The following KLRG1 variants were observed in gnomAD, a reference collection of about 807,000 sequenced individuals.
KLRG1 encodes the protein killer cell lectin like receptor G1, also known as killer cell lectin-like receptor subfamily G member 1.
A neutral mutation model predicts 21.8 loss-of-function variants in KLRG1; 16 were observed. That is an observed-to-expected ratio of 0.73 (90% CI 0.50 to 1.11). The LOEUF is 1.11. Ranked by LOEUF, KLRG1 falls within the 50% of genes most tolerant of loss-of-function variation. The probability of loss-of-function intolerance (pLI) is 0.00; values close to 1 mark genes in which losing one functional copy is unlikely to be tolerated. For missense variants in KLRG1, 173 were observed against 218.3 expected (o/e 0.79, Z 1.31); for synonymous variants, 69 against 75.9 (o/e 0.91, Z 0.47).
the KLRG1 span, among the ~76,000 whole-genome samples, chr12:9,083,777 C>G: frequency 2.7e-5 from 4 of 148,760 alleles, no homozygotes; most frequent in Non-Finnish European, 5.9e-5. Context: ...GCAGTAAGGG[C>G]TGAAAACTTC....
the KLRG1 span, among the ~76,000 whole-genome samples, chr12:9,105,635 A>G: frequency 6.6e-6 from 1 of 152,156 alleles, no homozygotes; most frequent in African/African-American, 2.4e-5. Context: ...GTAAGAGAAG[A>G]TTTTTTTGGT....
At chr12:9,185,968 T>C in the KLRG1 span, among the ~76,000 whole-genome samples, 9 of 151,896 alleles carry the variant, frequency 5.9e-5, no homozygotes, top group East Asian at 1.9e-4. Flanking sequence ...CCATCACACC[T>C]GGCTAATTTT....
chr12:9,175,668 A>G, the KLRG1 span, among the ~76,000 whole-genome samples: 1 of 152,226 alleles, frequency 6.6e-6, no homozygotes, highest in South Asian at 2.1e-4. Flanking sequence ...ACAATTCTCA[A>G]AAGAAAACAT....
At chr12:9,089,325 AGATATTTGGATAGT>A in the KLRG1 span, 1 of 1,051,512 alleles carries the variant, frequency 9.5e-7, no homozygotes, top group Admixed American at 2.0e-5. Flanking sequence ...GAGGGACCAC[AGATATTTGGATAGT>A]GAAGAGAAGG....
At chr12:9,165,228 C>T in the KLRG1 span, 3 of 1,614,042 alleles carry the variant, frequency 1.9e-6, no homozygotes, top group Non-Finnish European at 1.7e-6. Context: ...GTGAGCTCCA[C>T]AAAGAAGGGC....
the KLRG1 span, chr12:9,112,271 G>C: frequency 3.7e-5 from 59 of 1,608,712 alleles, no homozygotes; most frequent in African/African-American, 7.5e-4. Context: ...AGGCTGGTAA[G>C]ACAAGCTATT....
At chr12:9,214,677 A>G in the KLRG1 span, among the ~76,000 whole-genome samples, 2 of 152,006 alleles carry the variant, frequency 1.3e-5, no homozygotes, top group Non-Finnish European at 2.9e-5. Flanking sequence ...CTTTTGTTGC[A>G]ATGCGTCCGT....
chr12:9,136,493 A>T, the KLRG1 span, among the ~76,000 whole-genome samples: 3 of 152,162 alleles, frequency 2.0e-5, no homozygotes, highest in Non-Finnish European at 4.4e-5. Context: ...CTTGGCATTT[A>T]AAAAAGGCAA....
At chr12:9,101,708 T>C in the KLRG1 span, 1 of 1,469,388 alleles carries the variant, frequency 6.8e-7, no homozygotes, top group Non-Finnish European at 9.3e-7. Flanking sequence ...TATTTTTAGA[T>C]TATACGTCAT....
the KLRG1 span, among the ~76,000 whole-genome samples, chr12:9,061,915 C>T: frequency 3.3e-5 from 5 of 151,966 alleles, no homozygotes; most frequent in African/African-American, 1.2e-4. Context: ...CGGAAACCAA[C>T]CCCCCAAAAT....
downstream of KLRG1, among the ~76,000 whole-genome samples, chr12:9,014,498 T>C (rs1947673325): frequency 6.6e-6 from 1 of 152,104 alleles, no homozygotes; most frequent in Non-Finnish European, 1.5e-5. Flanking sequence ...CCTAGAGTAA[T>C]GTATCCAGTG....
chr12:9,197,186 T>TC, the KLRG1 span: 20 of 1,069,560 alleles, frequency 1.9e-5, no homozygotes, highest in Middle Eastern at 6.4e-4. Context: ...CTACCACTCC[T>TC]CCACAGAACT....
At chr12:9,069,625 T>A in the KLRG1 span, 2 of 676,050 alleles carry the variant, frequency 3.0e-6, no homozygotes, top group South Asian at 5.3e-5. Context: ...AGAGTTAACA[T>A]TAGAATTCTC....
chr12:9,006,760 G>A (rs1947485528), intron 3 of KLRG1, among the ~76,000 whole-genome samples: 1 of 152,104 alleles, frequency 6.6e-6, no homozygotes, highest in East Asian at 1.9e-4. Flanking sequence ...TTTCATAACT[G>A]GAAAGAATCC....
At chr12:9,169,822 T>C in the KLRG1 span, 1 of 379,158 alleles carries the variant, frequency 2.6e-6, no homozygotes, top group African/African-American at 2.1e-5. Flanking sequence ...TCTTAAGTTA[T>C]GAAGGATTAA....
At chr12:8,956,442 A>ATT (rs201472387) in intron 1 of KLRG1, among the ~76,000 whole-genome samples, 2 of 150,910 alleles carry the variant, frequency 1.3e-5, no homozygotes, top group African/African-American at 4.9e-5. Flanking sequence ...CCCCCACCGC[A>ATT]TTTTTTTTTC....
At chr12:9,115,441 A>G in the KLRG1 span, 1 of 192,894 alleles carries the variant, frequency 5.2e-6, no homozygotes, top group African/African-American at 2.4e-5. Context: ...TGGACCCTTG[A>G]GAAAGAGGAA....
chr12:9,169,055 G>GGA, the KLRG1 span: 1 of 966,512 alleles, frequency 1.0e-6, no homozygotes, highest in Non-Finnish European at 1.6e-6. Context: ...ACTTCTCTAT[G>GGA]TAATTCCAGT....
chr12:9,059,217 C>G, the KLRG1 span, among the ~76,000 whole-genome samples: 1 of 152,208 alleles, frequency 6.6e-6, no homozygotes, highest in Non-Finnish European at 1.5e-5. Context: ...TTCATCTCAG[C>G]TTTCTCTACA....
Sources: gnomAD v4.1 joint callset for allele counts (sites outside exome capture counted in the v4.1 genomes callset) on GRCh38, gnomAD v4.1.1 for gene constraint, MANE v1.5 for transcripts, NCBI Gene and HGNC (gene_info 2026-07-23, HGNC 2026-07-21) for gene names.